The following BCL2L12 variants were observed in gnomAD, a reference collection of about 807,000 sequenced individuals.
BCL2L12 encodes BCL2 like 12.
BCL2L12 carries 27 observed loss-of-function variants against 25.7 expected under a neutral mutation model. The observed-to-expected ratio is 1.05, with a 90% CI of 0.78 to 1.45. The LOEUF (loss-of-function observed/expected upper bound fraction) is 1.45. BCL2L12 is among the 40% of genes most tolerant of loss of function. The pLI is 0.00. For synonymous variants in BCL2L12, 132 were observed against 145.6 expected (o/e 0.91, Z 0.67); for missense variants, 302 against 329.8 (o/e 0.92, Z 0.65).
intron 1 of BCL2L12, 45 bp from the exon 2 acceptor site, chr19:49,666,640 C>A: frequency 6.9e-7 from 1 of 1,453,048 alleles, no homozygotes; most frequent in Non-Finnish European, 9.3e-7. Context: ...GCCTCCACTT[C>A]TTGCTAAACC....
At chr19:49,665,447 TTTCCTCC>T (rs1026861293), upstream of BCL2L12, 1 of 200,414 alleles carries the variant, frequency 5.0e-6, no homozygotes, top group Non-Finnish European at 1.0e-5. Context: ...TCTTTTCCTC[TTTCCTCC>T]CTACTTTTTC....
intron 5 of BCL2L12, 46 bp from the exon 6 acceptor site, chr19:49,670,170 C>T (rs757641337): frequency 3.2e-6 from 5 of 1,576,464 alleles, no homozygotes; most frequent in East Asian, 2.3e-5. Context: ...TATTGGCTGG[C>T]CCCGGGGGCG....
At chr19:49,665,765 A>G, upstream of BCL2L12, 1 of 1,543,362 alleles carries the variant, frequency 6.5e-7, no homozygotes, top group Admixed American at 2.0e-5. Flanking sequence ...TTTCTTTTTG[A>G]TCGACTTCTT....
intron 3 of BCL2L12, among the ~76,000 whole-genome samples, chr19:49,668,489 C>A (rs2081875859): frequency 6.6e-6 from 1 of 152,022 alleles, no homozygotes; most frequent in African/African-American, 2.4e-5. Context: ...TCTCACTGGG[C>A]CTCAGTTTAC....
chr19:49,668,768 A>G, intron 3 of BCL2L12, 83 bp from the exon 4 acceptor site: 1 of 1,316,250 alleles, frequency 7.6e-7, no homozygotes, highest in Non-Finnish European at 1.1e-6. Context: ...AATCATTGCC[A>G]CCTGCCAAGG....
At position 49,667,066 on chromosome 19, in the gene BCL2L12, G is replaced by T. The variant is rs745845178; in HGVS notation, c.155G>T (p.Arg52Ile). The T allele has an allele frequency of 1.7e-5, 28 of 1,613,774 alleles. No homozygotes were observed. Among genetic ancestry groups the T allele is most frequent in the Non-Finnish European group, 2.2e-5 (26 of 1,180,002 alleles). Residue 52 changes from arginine (R) to isoleucine (I), a missense_variant, in exon 3 of 7, where the codon AGA becomes ATA. Transcript: ENST00000246784. ...EPTDFLSRLR[R>I]CLPCSLGRGA... ...ACAGACTTCCTGAGCCGCCTTCGAA[G>T]ATGTCTTCCCTGCTCCCTGGGGCGA...
In BCL2L12 at chr19:49,669,066, G is replaced by A. The variant is rs144084578; in HGVS notation, c.380G>A (p.Arg127Gln). 5.6e-5 allele frequency: 91 copies of A among 1,614,128 alleles called. No homozygotes were observed. Among genetic ancestry groups the A allele is most frequent in the South Asian group, 2.3e-4 (21 of 91,070 alleles). Residue 127 changes from arginine (R) to glutamine (Q), a missense_variant, in exon 5 of 7, where the codon CGG becomes CAG. Physicochemically the swap from Arg to Gln is conservative, Grantham distance 43. Transcript: ENST00000246784. ...PPSTEKEAIL[R>Q]RLVALLEEEA... ...TCGACAGAGAAGGAAGCCATACTGC[G>A]GAGGCTGGTGGCCCTGCTGGAGGAG...
At chr19:49,666,305 G>T (rs1005779638) in intron 1 of BCL2L12, among the ~76,000 whole-genome samples, 1 of 152,216 alleles carries the variant, frequency 6.6e-6, no homozygotes, top group African/African-American at 2.4e-5. Flanking sequence ...ATGCTTTAAG[G>T]GTTTCAGGAG....
At chr19:49,665,563 G>C (rs1329164380), upstream of BCL2L12, 8 of 493,666 alleles carry the variant, frequency 1.6e-5, no homozygotes, top group East Asian at 2.8e-4. Flanking sequence ...TCTCCGTGCA[G>C]ACCCATCCTC....
At chr19:49,668,958 A>G (rs748613126) in intron 4 of BCL2L12, 21 bp downstream of exon 4, 1 of 1,613,892 alleles carries the variant, frequency 6.2e-7, no homozygotes, top group East Asian at 2.2e-5. Flanking sequence ...GAGGAGCCCC[A>G]GAGAAGGATG....
chr19:49,665,629 A>T, upstream of BCL2L12: 1 of 665,766 alleles, frequency 1.5e-6, no homozygotes, highest in Non-Finnish European at 2.5e-6. Context: ...CTTCCGCGTT[A>T]CCTACGATGG....
chr19:49,668,741 ATAAT>A lies in BCL2L12; in HGVS notation c.251-109_251-106del, dbSNP rs1427866240. 5 of 1,083,626 alleles carry A rather than the reference ATAAT, an allele frequency of 4.6e-6. No homozygotes were observed. In the East Asian group the frequency reaches 1.2e-4, roughly 27 times the overall value. 67.1% of individuals were successfully genotyped at this position (1,083,626 alleles called of 1,614,324 possible). On this transcript the variant is annotated intron_variant, in intron 3 of 6. Transcript: ENST00000246784. ...TTTCCCAAAATCAATACATAAATAA[ATAAT>A]AAATAAAATGGGAATCATTGCCACC...
At chr19:49,668,814 T>C in intron 3 of BCL2L12, 37 bp from the exon 4 acceptor site, 4 of 1,568,164 alleles carry the variant, frequency 2.6e-6, no homozygotes, top group East Asian at 2.3e-5. Flanking sequence ...AAGTTTCCAA[T>C]GTCCTGGAAA....
At chr19:49,667,388 T>C (rs1305487004) in intron 3 of BCL2L12, among the ~76,000 whole-genome samples, 1 of 152,146 alleles carries the variant, frequency 6.6e-6, no homozygotes, top group Admixed American at 6.5e-5. Flanking sequence ...CCATAACTAC[T>C]TCCCTGCCCC....
rs2081783933 is a variant in BCL2L12 at position 49,666,679 on chromosome 19, T to A, written c.-8-6T>A. 1 of 1,549,432 alleles carries A rather than the reference T, an allele frequency of 6.5e-7. No homozygotes were observed. The highest frequency in any genetic ancestry group is 8.7e-7 in the Non-Finnish European group (1 of 1,145,622). Reference sequence around the variant, plus strand: ...GGAGTCCAGTCCCTAACCCTCTCTCTCACAGGTGCCTCCATGGCAGGCTCT... The same window carrying A: ...GGAGTCCAGTCCCTAACCCTCTCTCACACAGGTGCCTCCATGGCAGGCTCT... On this transcript the variant is annotated splice_polypyrimidine_tract_variant and splice_region_variant and intron_variant, in intron 1 of 6. Coordinates refer to ENST00000246784, the MANE Select transcript of BCL2L12 (RefSeq NM_138639.2).
rs749300966 is a variant in BCL2L12, at chr19:49,665,996, T to TA, written c.-77dup. 4 of 1,603,152 alleles carry TA rather than the reference T, an allele frequency of 2.5e-6. No individual in the cohort carries two copies. ...CGCAGGCGCGGGAAAGTTGAACTAA[T>TA]AAAGTTTGTACGAGTTCAGTGGAGG... On this transcript the variant is annotated 5_prime_UTR_variant, in exon 1 of 7. Transcript: ENST00000246784.
chr19:49,670,576 C>A, intron 6 of BCL2L12, 88 bp downstream of exon 6: 1 of 1,473,388 alleles, frequency 6.8e-7, no homozygotes, highest in Non-Finnish European at 9.0e-7. Context: ...AGGTTCCTCT[C>A]AGACCTCAGG....
intron 2 of BCL2L12, 67 bp from the exon 3 acceptor site, chr19:49,666,952 A>G (rs758312259): frequency 6.4e-7 from 1 of 1,572,234 alleles, no homozygotes; most frequent in Non-Finnish European, 8.6e-7. Context: ...GGAGGGAGGG[A>G]GTTGGGGAAA....
intron 6 of BCL2L12, among the ~76,000 whole-genome samples, chr19:49,673,474 C>T (rs912383277): frequency 3.3e-5 from 5 of 152,088 alleles, no homozygotes; most frequent in Non-Finnish European, 7.4e-5. Flanking sequence ...ACTCCAGTGT[C>T]CTGACCCTCC....
Sources: gnomAD v4.1 joint callset for allele counts (sites outside exome capture counted in the v4.1 genomes callset) on GRCh38, gnomAD v4.1.1 for gene constraint, MANE v1.5 for transcripts, NCBI Gene and HGNC (gene_info 2026-07-23, HGNC 2026-07-21) for gene names.